LITAF: variants seen among roughly 807,000 people sequenced by gnomAD.
The protein encoded by LITAF is lipopolysaccharide-induced tumor necrosis factor-alpha factor.
A neutral mutation model predicts 14.5 loss-of-function variants in LITAF; 9 were observed. The observed-to-expected ratio is 0.62, with a 90% CI of 0.37 to 1.08. The LOEUF (loss-of-function observed/expected upper bound fraction) is 1.08. Among genes scored for constraint, LITAF ranks in the 50% least tolerant of loss-of-function variants. The probability of loss-of-function intolerance (pLI) is 0.01; values close to 1 mark genes in which losing one functional copy is unlikely to be tolerated. For missense variants in LITAF, 206 were observed against 213.4 expected (o/e 0.97, Z 0.22); for synonymous variants, 98 against 88.2 (o/e 1.11, Z -0.62).
At chr16:11,563,380 C>T (rs543798599) in intron 1 of LITAF, among the ~76,000 whole-genome samples, 5 of 152,238 alleles carry the variant, frequency 3.3e-5, no homozygotes, top group Non-Finnish European at 5.9e-5. Context: ...AAACTCCCAA[C>T]CTCAGATGAT....
At chr16:11,576,194 C>A (rs953214538) in intron 1 of LITAF, among the ~76,000 whole-genome samples, 1 of 152,078 alleles carries the variant, frequency 6.6e-6, no homozygotes, top group African/African-American at 2.4e-5. Context: ...CCCAGCTGGG[C>A]ACGGTGGCTC....
chr16:11,585,566 A>T (rs1306170275), intron 1 of LITAF, among the ~76,000 whole-genome samples: 2 of 152,180 alleles, frequency 1.3e-5, no homozygotes, highest in Admixed American at 6.5e-5. Flanking sequence ...CACTGGTGGA[A>T]TTCCAGATAC....
chr16:11,551,825 C>A (rs1029694984), intron 3 of LITAF: 1 of 567,512 alleles, frequency 1.8e-6, no homozygotes. Flanking sequence ...GAGCAAGACT[C>A]AGCCTCAAAC....
At chr16:11,571,653 C>T (rs2064542885) in intron 1 of LITAF, among the ~76,000 whole-genome samples, 1 of 152,140 alleles carries the variant, frequency 6.6e-6, no homozygotes, top group East Asian at 1.9e-4. Context: ...CAGAAGCAGC[C>T]CTCCTCCTCT....
upstream of LITAF, chr16:11,587,153 C>T: frequency 3.1e-6 from 1 of 322,014 alleles, no homozygotes; most frequent in South Asian, 2.4e-5. Flanking sequence ...AGGCTTACCC[C>T]CGAGACGCCT....
rs189101115 is a variant in LITAF at position 11,549,569 on chromosome 16, C to T, written c.*68G>A. On this transcript the variant is annotated 3_prime_UTR_variant, in exon 4 of 4. Coordinates refer to ENST00000622633, the MANE Select transcript of LITAF (RefSeq NM_001136472.2). This position sits in a 1 kb window ranked among gnomAD's most constrained non-coding sequence, Gnocchi z 4.6. ...CCACCAGGGCAGAACCTCCACCAGG[C>T]GTGAAGCTGGATGAGAGGTGGAAAG... 443 of 1,179,430 alleles carry T rather than the reference C, an allele frequency of 3.8e-4. No individual in the cohort carries two copies. The African/African-American group carries it at 6.0e-3, about 16-fold the overall frequency. The allele number at this position is 1,179,430 out of a possible 1,614,324, so 73.1% of individuals were successfully genotyped here.
chr16:11,572,663 C>A (rs1183664776), intron 1 of LITAF, among the ~76,000 whole-genome samples: 2 of 152,216 alleles, frequency 1.3e-5, no homozygotes, highest in African/African-American at 4.8e-5. Flanking sequence ...GTCAAAGTCA[C>A]GGAAAACAGG....
chr16:11,638,965 A>G (rs2065153910), upstream of LITAF, among the ~76,000 whole-genome samples: 1 of 152,134 alleles, frequency 6.6e-6, no homozygotes. Context: ...GTTCAAGGAA[A>G]TGGGTACTGA....
chr16:11,598,125 T>C (rs150155762), intron 1 of LITAF, among the ~76,000 whole-genome samples: 220 of 152,210 alleles, frequency 1.4e-3, no homozygotes, highest in African/African-American at 5.0e-3. Flanking sequence ...AACTTAATCC[T>C]AGGCTCAAGT....
upstream of LITAF, among the ~76,000 whole-genome samples, chr16:11,637,666 G>A (rs570485946): frequency 6.6e-6 from 1 of 151,972 alleles, no homozygotes; most frequent in Non-Finnish European, 1.5e-5. Context: ...AGGATCACTT[G>A]AGCCCAGGAG....
intron 3 of LITAF, among the ~76,000 whole-genome samples, chr16:11,627,835 C>G: frequency 6.6e-6 from 1 of 151,858 alleles, no homozygotes. Flanking sequence ...CAGAGCAAGA[C>G]TCAATATCAA....
chr16:11,591,310 G>C (rs1567256607), upstream of LITAF, among the ~76,000 whole-genome samples: 1 of 114,634 alleles, frequency 8.7e-6, no homozygotes, highest in Non-Finnish European at 1.7e-5. Context: ...TCAGCCTCCA[G>C]AGTGGCTGGG....
At position 11,628,022 on chromosome 16, in the gene LITAF, A is replaced by C. The variant is rs9935070; in HGVS notation, c.85+5511T>G. On this transcript the variant is annotated intron_variant, in intron 3 of 3. Transcript: ENST00000574848. Reference sequence around the variant, plus strand: ...GTGAGACTCTGTCAAAAAAAAAAAAAAAAAAAAAAAACAAGGCCTGTAATT... The same window carrying C: ...GTGAGACTCTGTCAAAAAAAAAAAACAAAAAAAAAAACAAGGCCTGTAATT... Among the ~76,000 whole-genome samples, 370 of 150,344 alleles carry C rather than the reference A, an allele frequency of 2.5e-3. 2 individuals carry two copies. Among genetic ancestry groups the C allele is most frequent in the South Asian group, 4.2e-3 (20 of 4,794 alleles).
At chr16:11,568,236 C>T (rs2064486204) in intron 1 of LITAF, among the ~76,000 whole-genome samples, 1 of 146,776 alleles carries the variant, frequency 6.8e-6, no homozygotes. Context: ...TGCAGTGAGC[C>T]ATGTTTGCAC....
intron 1 of LITAF, 44 bp from the exon 2 acceptor site, chr16:11,556,779 C>G: frequency 6.7e-7 from 1 of 1,489,840 alleles, no homozygotes; most frequent in Non-Finnish European, 9.4e-7. Flanking sequence ...TTCAGTTGAT[C>G]TCTCCCTCTC....
rs1309609399 is a variant in LITAF, at chr16:11,632,299, G to C, written c.85+1234C>G. On this transcript the variant is annotated intron_variant, in intron 3 of 3. Transcript: ENST00000574848. This position sits in a 1 kb window ranked among gnomAD's most constrained non-coding sequence, Gnocchi z 4.8. ...GGGGAACAGGATTAGGCAATCCGCT[G>C]GCCCCTCCCCACATGGACTGAGAAA... is the stretch of plus-strand genomic sequence containing the variant. 6.6e-6 allele frequency among the ~76,000 whole-genome samples: 1 copy of C among 152,098 alleles called. No homozygotes were observed. Among genetic ancestry groups the C allele is most frequent in the Non-Finnish European group, 1.5e-5 (1 of 68,016 alleles).
upstream of LITAF, among the ~76,000 whole-genome samples, chr16:11,588,470 T>C (rs1396544326): frequency 6.8e-6 from 1 of 146,760 alleles, no homozygotes; most frequent in Non-Finnish European, 1.5e-5. Flanking sequence ...GCCACTGCAC[T>C]GTAGCAAGCA....
rs765108397 is a variant in LITAF, at chr16:11,553,667, C to T, written c.243G>A (p.Val81=). 20 of 1,614,128 alleles carry T rather than the reference C, an allele frequency of 1.2e-5. No homozygotes were observed. Among genetic ancestry groups the T allele is most frequent in the Non-Finnish European group, 1.7e-5 (20 of 1,180,026 alleles). The part of the protein sequence containing the change: ...NNPITVQTVY[V]QHPITFLDRP... ...GGTCCAAAAAGGTGATGGGGTGCTG[C>T]ACGTAGACCGTCTGCACGGTAACTG... The change falls in exon 3 of 4, where the codon GTG becomes GTA. Residue 81 remains valine (V), a synonymous_variant. Transcript: ENST00000622633. The surrounding 1 kb of genome is among the most constrained non-coding windows in gnomAD (Gnocchi z 7.7).
chr16:11,572,237 C>G (rs1004257612), intron 1 of LITAF, among the ~76,000 whole-genome samples: 1 of 152,144 alleles, frequency 6.6e-6, no homozygotes, highest in Non-Finnish European at 1.5e-5. Flanking sequence ...TCCCTTCCTG[C>G]TCCCCAGGTA....
Sources: allele counts gnomAD v4.1 joint callset (sites outside exome capture counted in the v4.1 genomes callset), GRCh38; gene constraint gnomAD v4.1.1; non-coding constraint Gnocchi (gnomAD v3.1); transcripts MANE v1.5; gene names NCBI Gene and HGNC (gene_info 2026-07-23, HGNC 2026-07-21).